Variants in OR51B5 observed in about 807,000 individuals in gnomAD.
OR51B5 encodes olfactory receptor family 51 subfamily B member 5.
For synonymous variants in OR51B5, 186 were observed against 144.8 expected, an observed-to-expected ratio of 1.28 and a Z score of -2.04; for missense variants, 456 against 374.6, an observed-to-expected ratio of 1.22 and a Z score of -1.79.
chr11:5,416,178 C>T (rs1449041359), intron 1 of OR51B5, among the ~76,000 whole-genome samples: 4 of 148,394 alleles, frequency 2.7e-5, no homozygotes, highest in African/African-American at 9.9e-5. Context: ...ACAAAAACCA[C>T]ATGATTATCT....
intron 1 of OR51B5, among the ~76,000 whole-genome samples, chr11:5,420,083 C>T (rs1012444777): frequency 6.6e-6 from 1 of 151,534 alleles, no homozygotes; most frequent in African/African-American, 2.4e-5. Flanking sequence ...AATATTTGAA[C>T]CATTTATCTC....
At chr11:5,382,163 C>T (rs1307340129) in intron 1 of OR51B5, among the ~76,000 whole-genome samples, 1 of 152,214 alleles carries the variant, frequency 6.6e-6, no homozygotes, top group Non-Finnish European at 1.5e-5. Context: ...CCTACCTCTA[C>T]TGTTTTATTC....
At chr11:5,431,253 T>G (rs1850531207) in intron 1 of OR51B5, 1 of 330,658 alleles carries the variant, frequency 3.0e-6, no homozygotes, top group African/African-American at 2.1e-5. Context: ...TCATGGCTAG[T>G]AGGACCCCTG....
intron 1 of OR51B5, among the ~76,000 whole-genome samples, chr11:5,365,432 G>T (rs1292599658): frequency 1.3e-5 from 2 of 152,186 alleles, no homozygotes; most frequent in Non-Finnish European, 2.9e-5. Context: ...TGTAGAAATC[G>T]CTGTGGAGAG....
intron 1 of OR51B5, among the ~76,000 whole-genome samples, chr11:5,416,634 T>C (rs11037371): frequency 0.88 from 128,083 of 144,936 alleles, 56,680 homozygotes; most frequent in Admixed American, 0.91. Context: ...ACACCAATAA[T>C]AGACAAACAG....
intron 1 of OR51B5, among the ~76,000 whole-genome samples, chr11:5,415,332 C>G (rs2133754352): frequency 6.7e-6 from 1 of 148,212 alleles, no homozygotes; most frequent in Non-Finnish European, 1.5e-5. Context: ...AGGAAAGATC[C>G]AAAATTGACA....
chr11:5,352,257 T>A (rs1408850056), intron 1 of OR51B5: 5 of 1,614,246 alleles, frequency 3.1e-6, no homozygotes, highest in Non-Finnish European at 4.2e-6. Context: ...TGGTCTTCTA[T>A]GTCACTGTAG....
At chr11:5,453,534 G>T in intron 1 of OR51B5, 1 of 1,594,870 alleles carries the variant, frequency 6.3e-7, no homozygotes, top group Non-Finnish European at 8.5e-7. Flanking sequence ...CCTCCTGACT[G>T]GTATCCCTGG....
chr11:5,412,937 C>G (rs1291038344), intron 1 of OR51B5, among the ~76,000 whole-genome samples: 1 of 152,062 alleles, frequency 6.6e-6, no homozygotes, highest in East Asian at 1.9e-4. Flanking sequence ...TTGAAAAGAG[C>G]AGTGGTTCTC....
rs147879334 is a variant in OR51B5, at chr11:5,356,151, G to A, written n.85-9241C>T. Among the ~76,000 whole-genome samples, 929 of 152,296 alleles carry A rather than the reference G, an allele frequency of 6.1e-3. 4 individuals carry two copies. Among genetic ancestry groups the A allele is most frequent in the African/African-American group, 0.021 (880 of 41,538 alleles). ...GAATGACTTTGACAAGTTGAGAGAA[G>A]AAGGCTTCAGACGATCAAACTACTC... On this transcript the variant is annotated intron_variant and non_coding_transcript_variant, in intron 1 of 4. Coordinates refer to the OR51B5 transcript ENST00000415970.
At chr11:5,412,748 C>T (rs566860663) in intron 1 of OR51B5, among the ~76,000 whole-genome samples, 2 of 152,196 alleles carry the variant, frequency 1.3e-5, no homozygotes, top group South Asian at 2.1e-4. Context: ...GAGGGGCACC[C>T]GCCATTGCCC....
intron 1 of OR51B5, chr11:5,453,562 C>G (rs374169531): frequency 5.6e-6 from 9 of 1,610,786 alleles, no homozygotes; most frequent in Non-Finnish European, 7.6e-6. Flanking sequence ...AGCTCTCACT[C>G]CTGGCTGTCA....
chr11:5,390,531 TA>T (rs749152760), intron 1 of OR51B5: 12 of 637,628 alleles, frequency 1.9e-5, no homozygotes, highest in Non-Finnish European at 2.6e-5. Flanking sequence ...GTTGTGGCTT[TA>T]AAAAACTGAA....
intron 1 of OR51B5, among the ~76,000 whole-genome samples, chr11:5,503,167 T>C (rs1846322013): frequency 6.6e-6 from 1 of 152,172 alleles, no homozygotes; most frequent in South Asian, 2.1e-4. Context: ...ATGTACAACT[T>C]ACATACATAC....
chr11:5,400,414 A>G (rs6578640), intron 1 of OR51B5, among the ~76,000 whole-genome samples: 146,459 of 152,180 alleles, frequency 0.96, 70,873 homozygotes, highest in African/African-American at 0.99. Context: ...AAAGTGCCAT[A>G]TTATATGCCC....
chr11:5,373,766 G>A (rs574776353), intron 1 of OR51B5, among the ~76,000 whole-genome samples: 30 of 152,164 alleles, frequency 2.0e-4, no homozygotes, highest in Middle Eastern at 3.2e-3. Context: ...AGGTGGCAGC[G>A]AGGCTGGGGG....
chr11:5,360,068 C>T (rs1467507924), intron 1 of OR51B5, among the ~76,000 whole-genome samples: 1 of 152,062 alleles, frequency 6.6e-6, no homozygotes, highest in Non-Finnish European at 1.5e-5. Flanking sequence ...CAATACCATT[C>T]AGGACATAGG....
At chr11:5,425,335 C>A (rs1850431897) in intron 1 of OR51B5, among the ~76,000 whole-genome samples, 1 of 152,160 alleles carries the variant, frequency 6.6e-6, no homozygotes, top group South Asian at 2.1e-4. Flanking sequence ...CACAGGCTAC[C>A]ATAAATAATG....
At chr11:5,405,865 C>T (rs1348303634) in intron 1 of OR51B5, among the ~76,000 whole-genome samples, 1 of 152,096 alleles carries the variant, frequency 6.6e-6, no homozygotes, top group African/African-American at 2.4e-5. Context: ...ATTAATAGCC[C>T]GCTGATAGGT....
Sources: gnomAD v4.1 joint callset for allele counts (sites outside exome capture counted in the v4.1 genomes callset) on GRCh38, gnomAD v4.1.1 for gene constraint, MANE v1.5 for transcripts, NCBI Gene and HGNC (gene_info 2026-07-23, HGNC 2026-07-21) for gene names.